Variants in NCAM2 observed in about 807,000 individuals in gnomAD.
NCAM2 encodes the protein neural cell adhesion molecule 2, also known as N-CAM-2.
NCAM2 carries 30 observed loss-of-function variants against 98.1 expected under a neutral mutation model. That is an observed-to-expected ratio of 0.31 (90% CI 0.23 to 0.41). The LOEUF is 0.41. Among genes scored for constraint, NCAM2 ranks in the 10% least tolerant of loss-of-function variants. The pLI, the probability that NCAM2 is intolerant of heterozygous loss-of-function variation, is 1.00. For missense variants in NCAM2, 867 were observed against 1,005.8 expected (o/e 0.86, Z 1.87); for synonymous variants, 368 against 342.4 (o/e 1.07, Z -0.83).
At chr21:21,183,755 A>G (rs1340066291) in intron 1 of NCAM2, among the ~76,000 whole-genome samples, 1 of 152,144 alleles carries the variant, frequency 6.6e-6, no homozygotes, top group Non-Finnish European at 1.5e-5. Flanking sequence ...GCATTGTTAT[A>G]TTCTTACTGT....
intron 1 of NCAM2, among the ~76,000 whole-genome samples, chr21:21,018,122 T>C (rs2064355400): frequency 1.3e-5 from 2 of 152,230 alleles, no homozygotes; most frequent in African/African-American, 4.8e-5. Context: ...TTCGTATAAC[T>C]GAAGACTAAT....
In NCAM2 at chr21:21,432,210, A is replaced by T; in HGVS notation, c.1583A>T (p.His528Leu). 1 of 1,614,088 alleles carries T rather than the reference A, an allele frequency of 6.2e-7. No individual in the cohort carries two copies. Among genetic ancestry groups the T allele is most frequent in the Non-Finnish European group, 8.5e-7 (1 of 1,179,984 alleles). The change falls in exon 12 of 18, where the codon CAT (histidine) becomes CTT (leucine). Residue 528 changes from histidine to leucine, a missense_variant. This residue lies in a region of NCAM2 where 234 missense variants were observed against 333.8 expected (regional missense o/e 0.70). Coordinates refer to ENST00000400546, the MANE Select transcript of NCAM2 (RefSeq NM_004540.5). The stretch of plus-strand genomic sequence containing the variant: ...GACTCCCATGGAGGTGTACCTATTC[A>T]TCACTATCAGGTGGATGTCAAAGAA... The part of the protein sequence containing the change: ...KPDSHGGVPI[H>L]HYQVDVKEVA...
intron 16 of NCAM2, among the ~76,000 whole-genome samples, chr21:21,520,995 G>A (rs1197186175): frequency 6.6e-6 from 1 of 152,096 alleles, no homozygotes; most frequent in African/African-American, 2.4e-5. Context: ...AAATAGAAGG[G>A]GGAAGTAACT....
In NCAM2 at chr21:21,534,529, G is replaced by T; in HGVS notation, c.2283-8G>T. The T allele has an allele frequency of 6.4e-7, 1 of 1,573,336 alleles. No homozygotes were observed. The highest frequency in any genetic ancestry group is 8.6e-7 in the Non-Finnish European group (1 of 1,158,418). On this transcript the variant is annotated splice_region_variant and splice_polypyrimidine_tract_variant and intron_variant, in intron 16 of 17. Coordinates refer to ENST00000400546, the MANE Select transcript of NCAM2 (RefSeq NM_004540.5). ...ACACAGGTGAGATGTTTCTCTTTAT[G>T]TTTCTAGGAAAGATGGATCAAAAGA...
chr21:21,162,316 C>A (rs1383159688), intron 1 of NCAM2, among the ~76,000 whole-genome samples: 2 of 150,562 alleles, frequency 1.3e-5, no homozygotes, highest in Non-Finnish European at 2.9e-5. Context: ...GACAACTCTA[C>A]CGGCAAGTTA....
intron 1 of NCAM2, among the ~76,000 whole-genome samples, chr21:21,079,902 C>A (rs2065756570): frequency 6.6e-6 from 1 of 152,172 alleles, no homozygotes; most frequent in African/African-American, 2.4e-5. Context: ...TAACTTTATC[C>A]ATTTTCTGTT....
chr21:21,280,259 A>G (rs574734333), intron 1 of NCAM2, among the ~76,000 whole-genome samples: 5 of 152,234 alleles, frequency 3.3e-5, no homozygotes, highest in South Asian at 4.1e-4. Context: ...CTATTGCCCA[A>G]TGTGGTCACA....
At chr21:21,527,618 A>G (rs990576806) in intron 16 of NCAM2, among the ~76,000 whole-genome samples, 21 of 152,164 alleles carry the variant, frequency 1.4e-4, no homozygotes, top group African/African-American at 4.3e-4. Flanking sequence ...TTCAAATCCT[A>G]TGAATCAGGG....
intron 1 of NCAM2, among the ~76,000 whole-genome samples, chr21:21,136,778 T>A (rs2826682): frequency 6.6e-6 from 1 of 151,530 alleles, no homozygotes; most frequent in African/African-American, 2.4e-5. Context: ...CTCTTTCTAA[T>A]TCTCTTTCTA....
chr21:21,151,598 C>T (rs1274716472), intron 1 of NCAM2, among the ~76,000 whole-genome samples: 1 of 151,974 alleles, frequency 6.6e-6, no homozygotes, highest in Non-Finnish European at 1.5e-5. Context: ...TTTGGAAGCG[C>T]TGGTAGTGGC....
chr21:21,276,526 T>C (rs2072734522), intron 1 of NCAM2, among the ~76,000 whole-genome samples: 1 of 152,108 alleles, frequency 6.6e-6, no homozygotes, highest in Non-Finnish European at 1.5e-5. Context: ...TGTTTCATTC[T>C]TGTCCAATTT....
chr21:21,019,408 C>G (rs184171544), intron 1 of NCAM2, among the ~76,000 whole-genome samples: 2 of 152,080 alleles, frequency 1.3e-5, no homozygotes, highest in African/African-American at 2.4e-5. Context: ...TTAAACAGCA[C>G]GGAGTTTGAG....
chr21:21,154,025 T>C (rs543702532), intron 1 of NCAM2, among the ~76,000 whole-genome samples: 1 of 151,932 alleles, frequency 6.6e-6, no homozygotes, highest in African/African-American at 2.4e-5. Flanking sequence ...GTGAAAAAAA[T>C]GTTTTAGAGA....
intron 1 of NCAM2, among the ~76,000 whole-genome samples, chr21:21,248,751 T>G (rs2071372042): frequency 8.7e-6 from 1 of 115,602 alleles, no homozygotes; most frequent in Non-Finnish European, 1.6e-5. Flanking sequence ...CATTCCAGCC[T>G]GGGCAACAGA....
intron 1 of NCAM2, among the ~76,000 whole-genome samples, chr21:21,050,184 A>C (rs1006268595): frequency 6.6e-6 from 1 of 152,014 alleles, no homozygotes; most frequent in African/African-American, 2.4e-5. Context: ...AATCTGATGT[A>C]CTCCTCGATT....
intron 1 of NCAM2, among the ~76,000 whole-genome samples, chr21:21,171,259 C>T (rs1000376930): frequency 9.9e-5 from 15 of 151,924 alleles, no homozygotes; most frequent in African/African-American, 3.6e-4. Flanking sequence ...GCCTATGCAG[C>T]AATGTTCAGT....
At chr21:21,304,619 A>C (rs930605907) in intron 5 of NCAM2, among the ~76,000 whole-genome samples, 11 of 152,134 alleles carry the variant, frequency 7.2e-5, no homozygotes, top group African/African-American at 2.7e-4. Context: ...TTTTAGAATC[A>C]AGCTTTCAAT....
At chr21:21,536,176 G>C (rs1345661156) in intron 17 of NCAM2, among the ~76,000 whole-genome samples, 1 of 151,524 alleles carries the variant, frequency 6.6e-6, no homozygotes, top group Non-Finnish European at 1.5e-5. Flanking sequence ...GTTTTTTAAT[G>C]TTTTTTTCAT....
intron 15 of NCAM2, among the ~76,000 whole-genome samples, chr21:21,505,994 C>T (rs1265448725): frequency 6.6e-6 from 1 of 151,078 alleles, no homozygotes; most frequent in Non-Finnish European, 1.5e-5. Context: ...GTGATGAAAC[C>T]AGGCGTTTCT....
Sources: gnomAD v4.1 joint callset for allele counts (sites outside exome capture counted in the v4.1 genomes callset) on GRCh38, gnomAD v4.1.1 for gene constraint, gnomAD v4.1.1 regional missense constraint, MANE v1.5 for transcripts, NCBI Gene and HGNC (gene_info 2026-07-23, HGNC 2026-07-21) for gene names.